Variants in PELI2 observed in about 807,000 individuals in gnomAD.
PELI2 encodes the protein E3 ubiquitin-protein ligase pellino homolog 2.
Under a neutral mutation model 42.3 loss-of-function variants are expected in PELI2, and 23 were observed. That is an observed-to-expected ratio of 0.54 (90% CI 0.39 to 0.77). PELI2 has a LOEUF of 0.77. PELI2 is among the 30% of genes least tolerant of loss of function. The pLI is 0.00. For missense variants in PELI2, 463 were observed against 553.2 expected, an observed-to-expected ratio of 0.84 and a Z score of 1.64; for synonymous variants, 245 against 212.2, an observed-to-expected ratio of 1.15 and a Z score of -1.34.
Position 56,250,194 on chromosome 14 carries a change from C to T in PELI2, c.208-29482C>T, listed in dbSNP as rs143450614. On this transcript the variant is annotated intron_variant, in intron 2 of 5. Coordinates refer to ENST00000267460, the MANE Select transcript of PELI2 (RefSeq NM_021255.3). ...TGTGGAGCACTGCCTGATGCACTGA[C>T]GGTTCCTACTGAGAGCTTGGGCCAC... Among the ~76,000 whole-genome samples, 148 of 152,262 alleles carry T rather than the reference C, an allele frequency of 9.7e-4. 2 individuals carry two copies. Among genetic ancestry groups the T allele is most frequent in the African/African-American group, 3.2e-3 (133 of 41,544 alleles).
At chr14:56,255,421 G>A (rs1168559335) in intron 2 of PELI2, among the ~76,000 whole-genome samples, 3 of 152,088 alleles carry the variant, frequency 2.0e-5, no homozygotes, top group Non-Finnish European at 4.4e-5. Context: ...TCACTCATAA[G>A]TGGGAGTTGA....
At position 56,167,117 on chromosome 14, in the gene PELI2, G is replaced by C. The variant is rs185089019; in HGVS notation, c.78-11218G>C. Among the ~76,000 whole-genome samples the C allele has an allele frequency of 2.8e-3, 432 of 152,224 alleles. 2 individuals are homozygous for C. The highest frequency in any genetic ancestry group is 9.9e-3 in the African/African-American group (412 of 41,530). On this transcript the variant is annotated intron_variant, in intron 1 of 5. Coordinates refer to ENST00000267460, the MANE Select transcript of PELI2 (RefSeq NM_021255.3). ...GATCCTTTCTTTGTTCTTGACCTTT[G>C]GGAGTTTGATTATTAAATACCTTGA...
At chr14:56,267,209 A>G (rs1308533204) in intron 2 of PELI2, among the ~76,000 whole-genome samples, 1 of 152,142 alleles carries the variant, frequency 6.6e-6, no homozygotes, top group Admixed American at 6.5e-5. Context: ...ATTAAGTGTT[A>G]TAGAGATTAT....
intron 2 of PELI2, among the ~76,000 whole-genome samples, chr14:56,253,831 G>A (rs1175554537): frequency 6.6e-6 from 1 of 151,758 alleles, no homozygotes; most frequent in African/African-American, 2.4e-5. Context: ...CACAGAATTG[G>A]GAAAAAAAAC....
At chr14:56,172,119 A>C (rs1223816676) in intron 1 of PELI2, among the ~76,000 whole-genome samples, 3 of 152,206 alleles carry the variant, frequency 2.0e-5, no homozygotes, top group Non-Finnish European at 4.4e-5. Context: ...CACCTACCCC[A>C]AACTTAGTGG....
chr14:56,233,032 G>A (rs952646100), intron 2 of PELI2, among the ~76,000 whole-genome samples: 15 of 151,978 alleles, frequency 9.9e-5, no homozygotes, highest in African/African-American at 3.6e-4. Context: ...AAATACCTAG[G>A]AATCCAACTT....
chr14:56,167,022 C>G (rs1884990241), intron 1 of PELI2, among the ~76,000 whole-genome samples: 1 of 152,170 alleles, frequency 6.6e-6, no homozygotes, highest in South Asian at 2.1e-4. Flanking sequence ...ATCTCCTGAC[C>G]TCATGATCCG....
chr14:56,287,728 T>C (rs1306219331), intron 3 of PELI2, among the ~76,000 whole-genome samples: 1 of 152,196 alleles, frequency 6.6e-6, no homozygotes, highest in African/African-American at 2.4e-5. Context: ...TGAGAACGTA[T>C]ATATGAGATT....
At chr14:56,248,148 A>T (rs1161313794) in intron 2 of PELI2, among the ~76,000 whole-genome samples, 1 of 152,220 alleles carries the variant, frequency 6.6e-6, no homozygotes, top group Non-Finnish European at 1.5e-5. Flanking sequence ...GTTGATTTAA[A>T]CCATTAAAAG....
At chr14:56,138,842 G>A (rs528047484) in intron 1 of PELI2, among the ~76,000 whole-genome samples, 5 of 152,270 alleles carry the variant, frequency 3.3e-5, no homozygotes, top group Admixed American at 2.0e-4. Flanking sequence ...TTATGGAAAC[G>A]CTCAGTTCAG....
chr14:56,204,373 T>G (rs1167577896), intron 2 of PELI2, among the ~76,000 whole-genome samples: 1 of 152,130 alleles, frequency 6.6e-6, no homozygotes, highest in African/African-American at 2.4e-5. Context: ...AGTCCTTAGG[T>G]TGTCTTGATG....
At chr14:56,295,345 T>C (rs952862360) in intron 5 of PELI2, among the ~76,000 whole-genome samples, 1 of 151,042 alleles carries the variant, frequency 6.6e-6, no homozygotes, top group East Asian at 2.0e-4. Context: ...GGGTCTCTCG[T>C]CCCCCCCCAC....
chr14:56,279,600 G>T, intron 2 of PELI2, 76 bp from the exon 3 acceptor site: 1 of 797,996 alleles, frequency 1.3e-6, no homozygotes, highest in Non-Finnish European at 2.1e-6. Flanking sequence ...GTAGAGTGGT[G>T]GCTCATAACT....
intron 2 of PELI2, among the ~76,000 whole-genome samples, chr14:56,209,485 C>T (rs544751099): frequency 6.6e-6 from 1 of 152,272 alleles, no homozygotes; most frequent in Non-Finnish European, 1.5e-5. Context: ...TGTAAAACAA[C>T]ATCACTCTTC....
At chr14:56,256,441 G>A (rs1888528934) in intron 2 of PELI2, among the ~76,000 whole-genome samples, 2 of 151,250 alleles carry the variant, frequency 1.3e-5, no homozygotes, top group Non-Finnish European at 2.9e-5. Context: ...CAAAGATCGA[G>A]ACCCTGTCTC....
chr14:56,158,743 A>T (rs562621165), intron 1 of PELI2, among the ~76,000 whole-genome samples: 1 of 152,128 alleles, frequency 6.6e-6, no homozygotes, highest in East Asian at 1.9e-4. Flanking sequence ...ATAATTAAAA[A>T]TTTTCCTAAT....
intron 2 of PELI2, among the ~76,000 whole-genome samples, chr14:56,184,969 T>C (rs1387340243): frequency 6.6e-6 from 1 of 152,130 alleles, no homozygotes; most frequent in African/African-American, 2.4e-5. Flanking sequence ...AGAACTTACT[T>C]CACCTGGGAT....
chr14:56,207,723 G>T (rs1032198782), intron 2 of PELI2, among the ~76,000 whole-genome samples: 7 of 152,206 alleles, frequency 4.6e-5, no homozygotes, highest in African/African-American at 1.2e-4. Context: ...CCAGCTAAAG[G>T]CCAAAAGGGA....
intron 1 of PELI2, among the ~76,000 whole-genome samples, chr14:56,176,038 G>A (rs539415140): frequency 1.3e-5 from 2 of 152,302 alleles, no homozygotes; most frequent in African/African-American, 4.8e-5. Flanking sequence ...TCCCAATTTT[G>A]TATTTTCCAA....
Sources: allele counts gnomAD v4.1 joint callset (sites outside exome capture counted in the v4.1 genomes callset), GRCh38; gene constraint gnomAD v4.1.1; transcripts MANE v1.5; gene names NCBI Gene and HGNC (gene_info 2026-07-23, HGNC 2026-07-21).